The following GRIP1 variants were observed in gnomAD, a reference collection of about 807,000 sequenced individuals.
The protein encoded by GRIP1 is glutamate receptor interacting protein 1.
A neutral mutation model predicts 129.9 loss-of-function variants in GRIP1; 45 were observed. The ratio of observed to expected loss-of-function variants is 0.35; its 90% CI spans 0.27 to 0.44. GRIP1 has a LOEUF of 0.44. Among genes scored for constraint, GRIP1 ranks in the 20% least tolerant of loss-of-function variants. The pLI is 1.00. For synonymous variants in GRIP1, 530 were observed against 520.8 expected (o/e 1.02, Z -0.24); for missense variants, 1,196 against 1,396.8 (o/e 0.86, Z 2.29).
intron 7 of GRIP1, among the ~76,000 whole-genome samples, chr12:66,478,071 T>C (rs963432781): frequency 3.3e-5 from 5 of 152,178 alleles, no homozygotes; most frequent in African/African-American, 9.7e-5. Flanking sequence ...CAAAAGAAAC[T>C]ACCGTCAGAG....
At chr12:66,523,999 C>T (rs535018985) in intron 5 of GRIP1, among the ~76,000 whole-genome samples, 30 of 152,274 alleles carry the variant, frequency 2.0e-4, no homozygotes, top group African/African-American at 7.0e-4. Context: ...TATATATACA[C>T]CCAATACAGG....
intron 1 of GRIP1, among the ~76,000 whole-genome samples, chr12:66,615,320 G>A (rs191575810): frequency 6.6e-6 from 1 of 152,254 alleles, no homozygotes; most frequent in Non-Finnish European, 1.5e-5. Flanking sequence ...GGTCTTAGAA[G>A]TTATAGTGCA....
chr12:67,026,423 C>T (rs1565645202), intron 1 of GRIP1, among the ~76,000 whole-genome samples: 1 of 152,162 alleles, frequency 6.6e-6, no homozygotes, highest in Non-Finnish European at 1.5e-5. Context: ...ATTCACTCCC[C>T]TACAAAGGTT....
chr12:66,976,642 C>T (rs2042156131), intron 1 of GRIP1, among the ~76,000 whole-genome samples: 1 of 152,146 alleles, frequency 6.6e-6, no homozygotes, highest in Admixed American at 6.5e-5. Context: ...GCAAAATCTA[C>T]ACTCCTTATG....
At chr12:66,918,019 A>G (rs1348524222) in intron 1 of GRIP1, among the ~76,000 whole-genome samples, 2 of 151,986 alleles carry the variant, frequency 1.3e-5, no homozygotes, top group Non-Finnish European at 2.9e-5. Context: ...TGGCTGACAC[A>G]TAAGAATTGG....
In GRIP1 at chr12:66,684,573, G is replaced by A. The variant is rs183267268; in HGVS notation, c.-419-54237C>T. 2.6e-3 allele frequency among the ~76,000 whole-genome samples: 397 copies of A among 152,192 alleles called. 2 individuals are homozygous for A. Among genetic ancestry groups the A allele is most frequent in the African/African-American group, 8.3e-3 (344 of 41,526 alleles). On this transcript the variant is annotated intron_variant, in intron 1 of 4. Transcript: ENST00000538373. The stretch of plus-strand genomic sequence containing the variant: ...AAACTCCCTTCCCCTGGCGGGGGAC[G>A]GTGGCTCATACCTGTAATGCCAGCA...
intron 11 of GRIP1, among the ~76,000 whole-genome samples, chr12:66,446,775 C>A (rs1392456335): frequency 3.9e-5 from 6 of 152,150 alleles, no homozygotes; most frequent in African/African-American, 1.4e-4. Flanking sequence ...CTCTTCATGT[C>A]AGTTCCTAGC....
In GRIP1 at chr12:66,980,175, G is replaced by C. The variant is rs575242417; in HGVS notation, c.58+88875C>G. Reference sequence around the variant, plus strand: ...ATGAGGACATGAAATGCTACAAACAGTTCATCTCTCTGCCTCTGAAAAAGT... The same window carrying C: ...ATGAGGACATGAAATGCTACAAACACTTCATCTCTCTGCCTCTGAAAAAGT... On this transcript the variant is annotated intron_variant, in intron 1 of 1. Transcript: ENST00000643019. Among the ~76,000 whole-genome samples, 57 of 152,150 alleles carry C rather than the reference G, an allele frequency of 3.7e-4. 1 individual carries two copies. The highest frequency in any genetic ancestry group is 7.6e-4 in the Non-Finnish European group (52 of 68,028).
At chr12:66,684,204 C>T (rs979627974) in intron 1 of GRIP1, among the ~76,000 whole-genome samples, 1 of 152,160 alleles carries the variant, frequency 6.6e-6, no homozygotes, top group African/African-American at 2.4e-5. Context: ...TTACAGAACC[C>T]AGACTCTTCC....
chr12:66,802,122 T>C (rs530816370), intron 1 of GRIP1, among the ~76,000 whole-genome samples: 1 of 152,232 alleles, frequency 6.6e-6, no homozygotes, highest in Non-Finnish European at 1.5e-5. Flanking sequence ...GAAGTCATTG[T>C]ATTATATGAC....
chr12:66,973,130 C>T lies in GRIP1; in HGVS notation c.58+95920G>A, dbSNP rs116186316. ...GCTTCAATGTCTTTTTAAAACACAG[C>T]CACCATTTTTTTCTATAAACACAGT... On this transcript the variant is annotated intron_variant, in intron 1 of 1. Transcript: ENST00000643019. Among the ~76,000 whole-genome samples the T allele has an allele frequency of 3.0e-3, 462 of 152,234 alleles. 1 individual carries two copies. Among genetic ancestry groups the T allele is most frequent in the African/African-American group, 1.0e-2 (415 of 41,540 alleles).
chr12:66,361,498 C>T (rs972299010), intron 23 of GRIP1, among the ~76,000 whole-genome samples: 7 of 152,212 alleles, frequency 4.6e-5, no homozygotes, highest in Non-Finnish European at 4.4e-5. Flanking sequence ...AGCACCTTCA[C>T]ACATCTACTG....
intron 2 of GRIP1, among the ~76,000 whole-genome samples, chr12:66,556,583 C>T (rs924268747): frequency 6.6e-6 from 1 of 151,222 alleles, no homozygotes; most frequent in South Asian, 2.1e-4. Context: ...AAATGATGAA[C>T]CAATCAAAAA....
At chr12:66,976,023 T>A (rs947707172) in intron 1 of GRIP1, among the ~76,000 whole-genome samples, 1 of 152,254 alleles carries the variant, frequency 6.6e-6, no homozygotes, top group African/African-American at 2.4e-5. Flanking sequence ...AATTTGTATT[T>A]ATAACTTTGG....
At chr12:66,850,344 C>A (rs1251405555) in intron 1 of GRIP1, among the ~76,000 whole-genome samples, 2 of 152,116 alleles carry the variant, frequency 1.3e-5, no homozygotes. Flanking sequence ...GTGGGTACAT[C>A]ATTTTCAAGA....
intron 1 of GRIP1, among the ~76,000 whole-genome samples, chr12:66,884,986 T>C (rs961395474): frequency 6.6e-6 from 1 of 152,180 alleles, no homozygotes; most frequent in African/African-American, 2.4e-5. Flanking sequence ...ACCTTGATTT[T>C]CCCTTGTAAG....
intron 1 of GRIP1, among the ~76,000 whole-genome samples, chr12:66,877,112 T>C (rs2040396693): frequency 6.6e-6 from 1 of 151,982 alleles, no homozygotes; most frequent in Non-Finnish European, 1.5e-5. Flanking sequence ...AATCATAGCA[T>C]TGATATAAGG....
In GRIP1 at chr12:66,456,153, T is replaced by C. The variant is rs1266364293; in HGVS notation, c.1198+34A>G. The C allele has an allele frequency of 6.4e-6, 8 of 1,247,222 alleles. No homozygotes were observed. In the East Asian group the frequency reaches 1.7e-4, roughly 26 times the overall value. 77.3% of individuals were successfully genotyped at this position (1,247,222 alleles called of 1,614,324 possible). A position where few individuals can be genotyped will look rare whatever the true frequency, so the allele number is the denominator to read the frequency against. On this transcript the variant is annotated intron_variant, in intron 10 of 24. Coordinates refer to ENST00000359742, the MANE Select transcript of GRIP1 (RefSeq NM_001366722.1). ...GAGTGTGAGAAAAATATAATTGAAATAAAAGACCAGGAGGAGAAAGCATGG... is the reference window on the plus strand; with the variant it reads ...GAGTGTGAGAAAAATATAATTGAAACAAAAGACCAGGAGGAGAAAGCATGG...
intron 14 of GRIP1, among the ~76,000 whole-genome samples, chr12:66,421,951 G>A (rs565592168): frequency 2.0e-5 from 3 of 152,050 alleles, no homozygotes; most frequent in African/African-American, 7.2e-5. Flanking sequence ...TTAGGAATTG[G>A]ATCCTTAAAA....
Sources: gnomAD v4.1 joint callset for allele counts (sites outside exome capture counted in the v4.1 genomes callset) on GRCh38, gnomAD v4.1.1 for gene constraint, MANE v1.5 for transcripts, NCBI Gene and HGNC (gene_info 2026-07-23, HGNC 2026-07-21) for gene names.